ELOVL7: variants seen among roughly 807,000 people sequenced by gnomAD.
ELOVL7 encodes very long chain fatty acid elongase 7.
In ELOVL7, 27 loss-of-function variants were observed where a neutral mutation model predicts 35.7. That is an observed-to-expected ratio of 0.76 (90% confidence interval 0.56 to 1.04). The LOEUF is 1.04. Ranked by LOEUF, ELOVL7 falls within the 50% of genes least tolerant of loss-of-function variation. The pLI, the probability that ELOVL7 is intolerant of heterozygous loss-of-function variation, is 0.00. For synonymous variants in ELOVL7, 113 were observed against 114.6 expected (o/e 0.99, Z 0.09); for missense variants, 327 against 340.8 (o/e 0.96, Z 0.32).
chr5:60,810,942 T>C (rs538575956), intron 1 of ELOVL7, among the ~76,000 whole-genome samples: 4 of 152,170 alleles, frequency 2.6e-5, no homozygotes, highest in Admixed American at 2.6e-4. Flanking sequence ...AAGGCCCAAT[T>C]TTCTCAGTTT....
chr5:60,771,783 T>G, intron 4 of ELOVL7, 120 bp downstream of exon 4: 49 of 713,148 alleles, frequency 6.9e-5, no homozygotes, highest in Non-Finnish European at 1.1e-4. Context: ...CCTGCTCTAG[T>G]GAGATCAGTT....
chr5:60,753,296 T>A lies in ELOVL7; in HGVS notation c.*1328A>T, dbSNP rs575747711. ...CTACTGACTAATAGTTTTGATTCTCTGACAAGAAAATGTAAAAATAACAGA... is the reference window on the plus strand; with the variant it reads ...CTACTGACTAATAGTTTTGATTCTCAGACAAGAAAATGTAAAAATAACAGA... On this transcript the variant is annotated 3_prime_UTR_variant, in exon 9 of 9. Transcript: ENST00000508821. 8 of 152,156 alleles carry A rather than the reference T, an allele frequency of 5.3e-5. No homozygotes were observed. The highest frequency in any genetic ancestry group is 1.0e-4 in the Non-Finnish European group (7 of 68,014). 9.4% of individuals were successfully genotyped at this position (152,156 alleles called of 1,614,324 possible). A position where few individuals can be genotyped will look rare whatever the true frequency, so the allele number is the denominator to read the frequency against.
chr5:60,793,733 G>C (rs1028720770), intron 2 of ELOVL7, among the ~76,000 whole-genome samples: 1 of 152,132 alleles, frequency 6.6e-6, no homozygotes. Flanking sequence ...CTACAATAAA[G>C]AGGTGCCAGC....
chr5:60,841,015 T>C (rs912145555), intron 1 of ELOVL7, among the ~76,000 whole-genome samples: 1 of 145,422 alleles, frequency 6.9e-6, no homozygotes, highest in East Asian at 1.9e-4. Context: ...CTAAAAAAAA[T>C]TACTTTCCTT....
intron 1 of ELOVL7, among the ~76,000 whole-genome samples, chr5:60,839,369 G>T (rs944240199): frequency 6.6e-6 from 1 of 152,076 alleles, no homozygotes; most frequent in Non-Finnish European, 1.5e-5. Flanking sequence ...AAGAAATTAT[G>T]ATGGTATGCC....
intron 4 of ELOVL7, chr5:60,768,555 C>A (rs1396101740): frequency 5.6e-6 from 2 of 356,646 alleles, no homozygotes; most frequent in African/African-American, 2.1e-5. Flanking sequence ...TCCAACACAC[C>A]CACAAAGTGA....
intron 1 of ELOVL7, among the ~76,000 whole-genome samples, chr5:60,800,030 C>CAA (rs58041305): frequency 2.6e-3 from 222 of 85,988 alleles, no homozygotes; most frequent in Middle Eastern, 7.2e-3. Flanking sequence ...AACTCCATCT[C>CAA]AAAAAAAAAA....
intron 1 of ELOVL7, among the ~76,000 whole-genome samples, chr5:60,833,280 A>G (rs1044125508): frequency 2.0e-5 from 3 of 152,234 alleles, no homozygotes; most frequent in Non-Finnish European, 2.9e-5. Context: ...CCTCAACAGT[A>G]TAAGAGGTCA....
chr5:60,816,269 C>T (rs562643614), intron 1 of ELOVL7, among the ~76,000 whole-genome samples: 1 of 151,890 alleles, frequency 6.6e-6, no homozygotes, highest in South Asian at 2.1e-4. Context: ...GTCCCAGCTA[C>T]TCAGGTTGAG....
intron 1 of ELOVL7, among the ~76,000 whole-genome samples, chr5:60,799,455 A>C (rs1744460975): frequency 6.6e-6 from 1 of 152,230 alleles, no homozygotes; most frequent in Non-Finnish European, 1.5e-5. Context: ...GAAGGAAAAA[A>C]AAGAGTATTC....
intron 3 of ELOVL7, among the ~76,000 whole-genome samples, chr5:60,781,581 T>A (rs891235055): frequency 2.0e-5 from 3 of 152,180 alleles, no homozygotes; most frequent in African/African-American, 7.2e-5. Flanking sequence ...AATAAATAAT[T>A]TTTTCCCGTA....
chr5:60,843,604 G>T (rs1747316862), intron 1 of ELOVL7: 1 of 152,332 alleles, frequency 6.6e-6, no homozygotes, highest in African/African-American at 2.4e-5. Context: ...GCCCAAAGGG[G>T]AAGGAAGGAA....
chr5:60,819,547 C>T (rs1283195111), intron 1 of ELOVL7, among the ~76,000 whole-genome samples: 1 of 151,920 alleles, frequency 6.6e-6, no homozygotes, highest in South Asian at 2.1e-4. Flanking sequence ...TTAGGGAGGC[C>T]GAGGTGGGTG....
chr5:60,838,705 T>C (rs913960355), intron 1 of ELOVL7, among the ~76,000 whole-genome samples: 2 of 152,180 alleles, frequency 1.3e-5, no homozygotes, highest in Non-Finnish European at 2.9e-5. Context: ...TGGAAACTTA[T>C]CTCATTTGAA....
At chr5:60,838,522 C>T (rs758966499) in intron 1 of ELOVL7, among the ~76,000 whole-genome samples, 34 of 152,214 alleles carry the variant, frequency 2.2e-4, no homozygotes, top group Non-Finnish European at 4.0e-4. Flanking sequence ...AGCTAACACT[C>T]AAATGTTTGT....
At chr5:60,840,548 T>G (rs1747105264) in intron 1 of ELOVL7, among the ~76,000 whole-genome samples, 1 of 152,228 alleles carries the variant, frequency 6.6e-6, no homozygotes, top group Non-Finnish European at 1.5e-5. Flanking sequence ...AATAAATTGC[T>G]GTTTTTTCAA....
chr5:60,817,255 C>T (rs1279071729), intron 1 of ELOVL7, among the ~76,000 whole-genome samples: 4 of 150,806 alleles, frequency 2.7e-5, no homozygotes, highest in Non-Finnish European at 4.4e-5. Context: ...AAAAATTTCT[C>T]AGCAGAGAAA....
intron 1 of ELOVL7, among the ~76,000 whole-genome samples, chr5:60,838,004 T>G (rs1405399263): frequency 6.6e-6 from 1 of 152,106 alleles, no homozygotes; most frequent in Non-Finnish European, 1.5e-5. Context: ...GGAAATGAGA[T>G]AAAGGCCTGA....
At position 60,754,677 on chromosome 5, in the gene ELOVL7, G is replaced by T. The variant is rs1741425804; in HGVS notation, c.793C>A (p.Gln265Lys). ...HFWYRAYTKGQRLPKTVKNGT... is the reference protein window; with the variant it reads ...HFWYRAYTKGKRLPKTVKNGT... Reference sequence around the variant, plus strand: ...TTTTTCACAGTTTTGGGCAACCTCTGACCTTTGGTGTAAGCACGGTACCAA... The same window carrying T: ...TTTTTCACAGTTTTGGGCAACCTCTTACCTTTGGTGTAAGCACGGTACCAA... The change falls in exon 9 of 9, where the codon CAG becomes AAG. Residue 265 changes from glutamine to lysine, a missense_variant. Gln to Lys is a moderately conservative substitution (Grantham distance 53). Transcript: ENST00000508821. The T allele has an allele frequency of 6.2e-7, 1 of 1,613,976 alleles. No homozygotes were observed. Among genetic ancestry groups the T allele is most frequent in the East Asian group, 2.2e-5 (1 of 44,880 alleles).
Sources: allele counts gnomAD v4.1 joint callset (sites outside exome capture counted in the v4.1 genomes callset), GRCh38; gene constraint gnomAD v4.1.1; transcripts MANE v1.5; gene names NCBI Gene and HGNC (gene_info 2026-07-23, HGNC 2026-07-21).